ITGBL1: variants seen among roughly 807,000 people sequenced by gnomAD.
ITGBL1 encodes integrin subunit beta like 1.
Under a neutral mutation model 68.5 loss-of-function variants are expected in ITGBL1, and 51 were observed. The observed-to-expected ratio is 0.74, with a 90% CI of 0.59 to 0.94. ITGBL1 has a LOEUF of 0.94. ITGBL1 is among the 40% of genes least tolerant of loss of function. The pLI is 0.00. For synonymous variants in ITGBL1, 209 were observed against 227.3 expected (o/e 0.92, Z 0.72); for missense variants, 649 against 647.4 (o/e 1.00, Z -0.03).
At chr13:101,671,447 G>GTTTTTTT (rs1313845131) in intron 7 of ITGBL1, among the ~76,000 whole-genome samples, 2,744 of 103,336 alleles carry the variant, frequency 0.027, 210 homozygotes, top group African/African-American at 0.11. Flanking sequence ...GTTTTTTTTT[G>GTTTTTTT]TTTTTTTTTG....
chr13:101,565,172 T>C (rs1005067223), intron 2 of ITGBL1, among the ~76,000 whole-genome samples: 8 of 152,108 alleles, frequency 5.3e-5, no homozygotes, highest in Non-Finnish European at 1.2e-4. Context: ...AACAAATAAA[T>C]TATTTTGAAA....
At chr13:101,579,517 T>C (rs956581760) in intron 5 of ITGBL1, 90 bp downstream of exon 5, 7 of 1,300,692 alleles carry the variant, frequency 5.4e-6, no homozygotes, top group Non-Finnish European at 7.4e-6. Context: ...TCCTCTAGTG[T>C]GGGAGGAAGT....
chr13:101,507,890 G>T (rs146113082), intron 2 of ITGBL1, among the ~76,000 whole-genome samples: 1 of 152,122 alleles, frequency 6.6e-6, no homozygotes, highest in Admixed American at 6.5e-5. Flanking sequence ...GGCATTGCTC[G>T]CAAGGGAGTA....
chr13:101,556,112 A>G (rs911927111), intron 2 of ITGBL1, among the ~76,000 whole-genome samples: 3 of 152,130 alleles, frequency 2.0e-5, no homozygotes, highest in African/African-American at 2.4e-5. Context: ...TAACAGCTCT[A>G]TGGGAGAGGG....
chr13:101,496,705 C>G (rs934780594), intron 2 of ITGBL1, among the ~76,000 whole-genome samples: 4 of 152,174 alleles, frequency 2.6e-5, no homozygotes. Flanking sequence ...GCGGTAATCA[C>G]AAATCCACAC....
chr13:101,564,732 G>T (rs1400018143), intron 2 of ITGBL1, among the ~76,000 whole-genome samples: 2 of 149,274 alleles, frequency 1.3e-5, no homozygotes, highest in Non-Finnish European at 1.5e-5. Context: ...AGAAACACAG[G>T]TATATATGTA....
chr13:101,650,620 CT>C (rs55874443), intron 7 of ITGBL1, among the ~76,000 whole-genome samples: 23,429 of 137,206 alleles, frequency 0.17, 1,971 homozygotes, highest in East Asian at 0.25. Context: ...TCTTTTTTTT[CT>C]TTTTTTTTTT....
At chr13:101,487,085 G>A (rs1021663968) in intron 2 of ITGBL1, among the ~76,000 whole-genome samples, 1 of 152,084 alleles carries the variant, frequency 6.6e-6, no homozygotes, top group African/African-American at 2.4e-5. Flanking sequence ...GATTTTGATA[G>A]CCTATCTTAT....
chr13:101,476,750 C>A (rs2048542747), intron 2 of ITGBL1, among the ~76,000 whole-genome samples: 1 of 151,852 alleles, frequency 6.6e-6, no homozygotes. Context: ...ATATAAGAGG[C>A]AAGTTTATTA....
At chr13:101,654,339 C>T (rs952657869) in intron 7 of ITGBL1, among the ~76,000 whole-genome samples, 2 of 152,120 alleles carry the variant, frequency 1.3e-5, no homozygotes, top group Admixed American at 1.3e-4. Flanking sequence ...ATCACTGTGG[C>T]TGCTATGTGG....
intron 7 of ITGBL1, among the ~76,000 whole-genome samples, chr13:101,601,289 T>C (rs1566751093): frequency 6.6e-6 from 1 of 152,196 alleles, no homozygotes; most frequent in Non-Finnish European, 1.5e-5. Context: ...ATATCCCCTT[T>C]GTCATTTTTT....
In ITGBL1 at chr13:101,616,729, G is replaced by A. The variant is rs188934035; in HGVS notation, c.1015+18430G>A. On this transcript the variant is annotated intron_variant, in intron 7 of 10. Coordinates refer to ENST00000376180, the MANE Select transcript of ITGBL1 (RefSeq NM_004791.3). ...TGTTCTCAAACTCCTGACTTCAAGC[G>A]ATCTACCCACCTCGACCTCCCAAAG... 1.9e-3 allele frequency among the ~76,000 whole-genome samples: 285 copies of A among 152,222 alleles called. 1 individual carries two copies. Among genetic ancestry groups the A allele is most frequent in the African/African-American group, 6.2e-3 (259 of 41,534 alleles).
intron 2 of ITGBL1, among the ~76,000 whole-genome samples, chr13:101,468,816 C>A (rs190498233): frequency 2.1e-4 from 32 of 152,150 alleles, no homozygotes; most frequent in Non-Finnish European, 2.9e-4. Flanking sequence ...AATTACTTGT[C>A]GTACTGATAA....
chr13:101,478,688 A>G (rs1205234436), intron 2 of ITGBL1, among the ~76,000 whole-genome samples: 1 of 152,108 alleles, frequency 6.6e-6, no homozygotes, highest in Non-Finnish European at 1.5e-5. Flanking sequence ...CCAACAGCAA[A>G]CAATTTGAAA....
At chr13:101,623,752 C>A (rs1270456118) in intron 7 of ITGBL1, among the ~76,000 whole-genome samples, 1 of 152,198 alleles carries the variant, frequency 6.6e-6, no homozygotes, top group Non-Finnish European at 1.5e-5. Flanking sequence ...GGACAATTAA[C>A]AAATGACCTT....
chr13:101,641,558 CTTT>C (rs1244573652), intron 7 of ITGBL1, among the ~76,000 whole-genome samples: 2 of 120,118 alleles, frequency 1.7e-5, no homozygotes, highest in African/African-American at 3.7e-5. Context: ...TTTATTTTTT[CTTT>C]TTTTTCTTTT....
chr13:101,605,667 CAT>C (rs1469994514), intron 7 of ITGBL1, among the ~76,000 whole-genome samples: 2 of 151,058 alleles, frequency 1.3e-5, no homozygotes, highest in Non-Finnish European at 3.0e-5. Context: ...CGTATGTAGA[CAT>C]GTATGTGTTT....
intron 2 of ITGBL1, among the ~76,000 whole-genome samples, chr13:101,521,426 C>T (rs1312656265): frequency 1.3e-5 from 2 of 152,040 alleles, no homozygotes; most frequent in Non-Finnish European, 2.9e-5. Flanking sequence ...GATTTTTGGG[C>T]CGATGAGAAG....
intron 7 of ITGBL1, among the ~76,000 whole-genome samples, chr13:101,599,185 A>G (rs2030191904): frequency 6.6e-6 from 1 of 151,432 alleles, no homozygotes; most frequent in South Asian, 2.1e-4. Flanking sequence ...TCTGATGGCC[A>G]GTGATGATGA....
Sources: gnomAD v4.1 joint callset for allele counts (sites outside exome capture counted in the v4.1 genomes callset) on GRCh38, gnomAD v4.1.1 for gene constraint, MANE v1.5 for transcripts, NCBI Gene and HGNC (gene_info 2026-07-23, HGNC 2026-07-21) for gene names.